CTTNBP2: variants seen among roughly 807,000 people sequenced by gnomAD.
CTTNBP2 encodes cortactin binding protein 2, also known as cortactin-binding protein 2.
Under a neutral mutation model 156.9 loss-of-function variants are expected in CTTNBP2, and 108 were observed. The observed-to-expected ratio is 0.69, with a 90% CI of 0.59 to 0.81. The LOEUF (loss-of-function observed/expected upper bound fraction) is 0.81. Among genes scored for constraint, CTTNBP2 ranks in the 30% least tolerant of loss-of-function variants. CTTNBP2 has a pLI of 0.00. For synonymous variants in CTTNBP2, 767 were observed against 751.8 expected, an observed-to-expected ratio of 1.02 and a Z score of -0.33; for missense variants, 1,924 against 2,035.4, an observed-to-expected ratio of 0.95 and a Z score of 1.05.
intron 2 of CTTNBP2, among the ~76,000 whole-genome samples, chr7:117,823,889 C>T (rs1801120801): frequency 1.3e-5 from 2 of 151,610 alleles, no homozygotes; most frequent in African/African-American, 2.4e-5. Context: ...AAGGGTTTCA[C>T]CATGTTGTCC....
At chr7:117,725,321 G>A (rs981633569) in intron 17 of CTTNBP2, 64 bp from the exon 18 acceptor site, 61 of 1,423,124 alleles carry the variant, frequency 4.3e-5, no homozygotes, top group East Asian at 3.0e-4. Flanking sequence ...ACACAATTCC[G>A]TGAAAGGACA....
intron 2 of CTTNBP2, among the ~76,000 whole-genome samples, chr7:117,824,106 T>A (rs1019654995): frequency 2.2e-4 from 33 of 152,124 alleles, no homozygotes; most frequent in Admixed American, 5.9e-4. Flanking sequence ...AATTTCAACA[T>A]CTCCTGAATT....
In CTTNBP2 at chr7:117,841,901, C is replaced by G. The variant is rs149883653; in HGVS notation, c.189+19308G>C. On this transcript the variant is annotated intron_variant, in intron 2 of 22. Coordinates refer to ENST00000160373, the MANE Select transcript of CTTNBP2 (RefSeq NM_033427.3). ...CAGAGGAAGTTGCCATCAGAATCCA[C>G]AAGCAGGACAGCAAACAGCAGGGAT... Among the ~76,000 whole-genome samples, 111 of 152,238 alleles carry G rather than the reference C, an allele frequency of 7.3e-4. 3 individuals are homozygous for G. The East Asian group carries it at 0.019, about 26-fold the overall frequency.
intron 16 of CTTNBP2, among the ~76,000 whole-genome samples, chr7:117,734,064 T>C (rs1795549106): frequency 6.6e-6 from 1 of 152,240 alleles, no homozygotes; most frequent in Non-Finnish European, 1.5e-5. Flanking sequence ...GGGCACAGTG[T>C]CTGCAGCCTT....
chr7:117,734,861 A>C lies in CTTNBP2; in HGVS notation c.3876+52T>G. 3 of 1,438,860 alleles carry C rather than the reference A, an allele frequency of 2.1e-6. No individual in the cohort carries two copies. In the South Asian group the frequency reaches 4.2e-5, roughly 20 times the overall value. The allele number at this position is 1,438,860 out of a possible 1,614,324, so 89.1% of individuals were successfully genotyped here. A position where few individuals can be genotyped will look rare whatever the true frequency, so the allele number is the denominator to read the frequency against. ...GTGGAACTCAAGCTGAGATCTCCTG[A>C]CAACAAAAACCCCTGCTCTCCTGGC... On this transcript the variant is annotated intron_variant, in intron 16 of 22. Coordinates refer to ENST00000160373, the MANE Select transcript of CTTNBP2 (RefSeq NM_033427.3).
Position 117,792,095 on chromosome 7 carries a change from G to T in CTTNBP2, c.1101C>A (p.Gly367=). Residue 367 remains glycine (G), a synonymous_variant, in exon 4 of 23, where the codon GGC becomes GGA. Coordinates refer to ENST00000160373, the MANE Select transcript of CTTNBP2 (RefSeq NM_033427.3). This position sits in a 1 kb window ranked among gnomAD's most constrained non-coding sequence, Gnocchi z 4.2. Reference sequence around the variant, plus strand: ...GAGGTGGGAAAGCGGGTACAGAAGCGCCAATCAAGTCACCATAGGAAGCCT... The same window carrying T: ...GAGGTGGGAAAGCGGGTACAGAAGCTCCAATCAAGTCACCATAGGAAGCCT... The part of the protein sequence containing the change: ...DRQASYGDLI[G]ASVPAFPPPS... The T allele has an allele frequency of 6.2e-7, 1 of 1,614,076 alleles. No homozygotes were observed. Among genetic ancestry groups the T allele is most frequent in the Non-Finnish European group, 8.5e-7 (1 of 1,180,004 alleles).
intron 2 of CTTNBP2, among the ~76,000 whole-genome samples, chr7:117,849,574 AACTCCT>A (rs1802809722): frequency 6.6e-6 from 1 of 151,974 alleles, no homozygotes; most frequent in African/African-American, 2.4e-5. Context: ...AGCCCATAGG[AACTCCT>A]ACTCCATCAG....
intron 3 of CTTNBP2, among the ~76,000 whole-genome samples, chr7:117,802,615 A>G (rs567801985): frequency 3.9e-5 from 6 of 152,258 alleles, no homozygotes; most frequent in African/African-American, 1.4e-4. Flanking sequence ...AAAAGATAAG[A>G]GAAAATATTC....
At chr7:117,760,912 G>A (rs1053003439) in intron 9 of CTTNBP2, among the ~76,000 whole-genome samples, 1 of 152,008 alleles carries the variant, frequency 6.6e-6, no homozygotes, top group Non-Finnish European at 1.5e-5. Flanking sequence ...TTGGAAGCAC[G>A]CTGCACGAAC....
chr7:117,846,634 T>C (rs1316162803), intron 2 of CTTNBP2, among the ~76,000 whole-genome samples: 1 of 152,244 alleles, frequency 6.6e-6, no homozygotes, highest in South Asian at 2.1e-4. Context: ...AAGAAAAGGA[T>C]TAATGAAGAA....
At chr7:117,842,794 A>G (rs1463402691) in intron 2 of CTTNBP2, among the ~76,000 whole-genome samples, 1 of 152,250 alleles carries the variant, frequency 6.6e-6, no homozygotes, top group Non-Finnish European at 1.5e-5. Flanking sequence ...TCCTTGATAT[A>G]AAGATGCATC....
At position 117,767,245 on chromosome 7, in the gene CTTNBP2, A is replaced by G; in HGVS notation, c.2779-69T>C. The G allele has an allele frequency of 3.5e-6, 3 of 852,660 alleles. No individual in the cohort carries two copies. The Admixed American group carries it at 5.2e-5, about 15-fold the overall frequency. The allele number at this position is 852,660 out of a possible 1,614,324, so 52.8% of individuals were successfully genotyped here. ...AACTTGAATGCAAAACCCAAAGGAA[A>G]AGCCAGTTGCCTATAACAATCACAT... On this transcript the variant is annotated intron_variant, in intron 8 of 22. Transcript: ENST00000160373.
intron 2 of CTTNBP2, among the ~76,000 whole-genome samples, chr7:117,838,352 A>G (rs906721446): frequency 6.6e-6 from 1 of 152,170 alleles, no homozygotes; most frequent in Non-Finnish European, 1.5e-5. Context: ...GGCCTGTTAT[A>G]AAGAAGGCAT....
intron 12 of CTTNBP2, 126 bp from the exon 13 acceptor site, chr7:117,746,225 T>C: frequency 1.5e-6 from 1 of 662,608 alleles, no homozygotes; most frequent in Non-Finnish European, 2.6e-6. Context: ...AACAATATTT[T>C]AGAGATTAGC....
At chr7:117,839,850 T>C (rs550539899) in intron 2 of CTTNBP2, among the ~76,000 whole-genome samples, 2 of 152,324 alleles carry the variant, frequency 1.3e-5, no homozygotes, top group East Asian at 3.9e-4. Context: ...AGTTTTAAAG[T>C]AGGCTTTATC....
At chr7:117,737,377 C>CT (rs1795762856) in intron 14 of CTTNBP2, among the ~76,000 whole-genome samples, 1 of 152,174 alleles carries the variant, frequency 6.6e-6, no homozygotes, top group Admixed American at 6.5e-5. Context: ...AGGTCTCCAG[C>CT]TTTTCCCTGA....
chr7:117,805,373 G>A lies in CTTNBP2; in HGVS notation c.414+5392C>T, dbSNP rs545663614. ...CAGGAGATCTGAGTTCTACCACCGA[G>A]TGGCTATAGGAAAGTCACACAGCAG... On this transcript the variant is annotated intron_variant, in intron 3 of 22. Coordinates refer to ENST00000160373, the MANE Select transcript of CTTNBP2 (RefSeq NM_033427.3). Among the ~76,000 whole-genome samples the A allele has an allele frequency of 9.2e-5, 14 of 152,308 alleles. No individual in the cohort carries two copies. In the South Asian group the frequency reaches 1.0e-3, roughly 11 times the overall value.
intron 3 of CTTNBP2, among the ~76,000 whole-genome samples, chr7:117,802,450 A>C (rs564823230): frequency 3.5e-5 from 5 of 142,794 alleles, no homozygotes; most frequent in Middle Eastern, 3.3e-3. Flanking sequence ...AAAAAAAAAA[A>C]AAAAAAACAA....
intron 12 of CTTNBP2, among the ~76,000 whole-genome samples, chr7:117,747,189 T>C (rs908637353): frequency 1.1e-4 from 16 of 152,166 alleles, no homozygotes; most frequent in African/African-American, 3.4e-4. Flanking sequence ...CACCCAGACT[T>C]AGAGAAGTTT....
Sources: gnomAD v4.1 joint callset for allele counts (sites outside exome capture counted in the v4.1 genomes callset) on GRCh38, gnomAD v4.1.1 for gene constraint, Gnocchi (gnomAD v3.1) non-coding constraint, MANE v1.5 for transcripts, NCBI Gene and HGNC (gene_info 2026-07-23, HGNC 2026-07-21) for gene names.